Variants in STEAP1B observed in about 807,000 individuals in gnomAD.
STEAP1B encodes the protein STEAP family protein MGC87042.
In STEAP1B, 13 loss-of-function variants were observed where a neutral mutation model predicts 27.9. The ratio of observed to expected loss-of-function variants is 0.47; its 90% CI spans 0.30 to 0.74. The LOEUF (loss-of-function observed/expected upper bound fraction) is 0.74, where lower values mean the gene tolerates loss of function less well. Among genes scored for constraint, STEAP1B ranks in the 30% least tolerant of loss-of-function variants. STEAP1B has a pLI of 0.06. For missense variants in STEAP1B, 250 were observed against 298.7 expected (o/e 0.84, Z 1.20); for synonymous variants, 86 against 107.1 (o/e 0.80, Z 1.22).
intron 4 of STEAP1B, among the ~76,000 whole-genome samples, chr7:22,423,932 G>A (rs1785075038): frequency 6.6e-6 from 1 of 152,144 alleles, no homozygotes. Flanking sequence ...AGGAGACTGA[G>A]GTGGGAAGAT....
intron 4 of STEAP1B, among the ~76,000 whole-genome samples, chr7:22,489,507 T>C (rs1583354267): frequency 6.6e-6 from 1 of 152,172 alleles, no homozygotes; most frequent in African/African-American, 2.4e-5. Context: ...TTGCAGATGA[T>C]CAAGTTCACC....
At chr7:22,450,781 C>T (rs1055653419) in intron 4 of STEAP1B, among the ~76,000 whole-genome samples, 3 of 152,108 alleles carry the variant, frequency 2.0e-5, no homozygotes, top group Non-Finnish European at 4.4e-5. Context: ...TATCCATGAA[C>T]ATTGAATATT....
intron 4 of STEAP1B, among the ~76,000 whole-genome samples, chr7:22,460,867 T>C (rs963641653): frequency 6.6e-6 from 1 of 152,234 alleles, no homozygotes; most frequent in Non-Finnish European, 1.5e-5. Context: ...TGCATGTGTA[T>C]ACATGTATAT....
intron 4 of STEAP1B, among the ~76,000 whole-genome samples, chr7:22,478,740 C>A (rs1314450880): frequency 6.6e-6 from 1 of 152,210 alleles, no homozygotes; most frequent in Non-Finnish European, 1.5e-5. Context: ...ACTGTCTAGT[C>A]CAGTAGCAGT....
At chr7:22,482,482 T>C (rs1786096954) in intron 4 of STEAP1B, among the ~76,000 whole-genome samples, 1 of 152,152 alleles carries the variant, frequency 6.6e-6, no homozygotes, top group Admixed American at 6.5e-5. Context: ...GGAAGAAGGA[T>C]AGGCAGAGAG....
At chr7:22,492,319 C>CAAAAAA (rs56679156) in intron 4 of STEAP1B, 15 of 54,808 alleles carry the variant, frequency 2.7e-4, no homozygotes, top group East Asian at 8.2e-4. Context: ...ACTTCATCTC[C>CAAAAAA]AAAAAAAAAA....
At chr7:22,435,137 T>G (rs897261031) in intron 4 of STEAP1B, among the ~76,000 whole-genome samples, 3 of 151,892 alleles carry the variant, frequency 2.0e-5, no homozygotes, top group Non-Finnish European at 4.4e-5. Flanking sequence ...CCGAAACAAG[T>G]GAAGGTTAAT....
At chr7:22,467,564 T>G (rs115336610) in intron 4 of STEAP1B, among the ~76,000 whole-genome samples, 2,196 of 152,306 alleles carry the variant, frequency 0.014, 55 homozygotes, top group African/African-American at 0.049. Flanking sequence ...GGGAGATAAT[T>G]GAATTTTGGG....
intron 4 of STEAP1B, among the ~76,000 whole-genome samples, chr7:22,481,970 C>T (rs776729081): frequency 6.6e-6 from 1 of 152,128 alleles, no homozygotes; most frequent in African/African-American, 2.4e-5. Flanking sequence ...TAAGTAAAAC[C>T]CACGAAAGCC....
At chr7:22,487,843 C>A (rs114739331) in intron 4 of STEAP1B, among the ~76,000 whole-genome samples, 2,838 of 149,370 alleles carry the variant, frequency 0.019, 84 homozygotes, top group African/African-American at 0.066. Flanking sequence ...AAAAAAAAAT[C>A]CACACATAGA....
At chr7:22,438,726 C>T in intron 4 of STEAP1B, 1 of 1,551,474 alleles carries the variant, frequency 6.4e-7, no homozygotes, top group Non-Finnish European at 8.7e-7. Context: ...GAAAGTTGCA[C>T]AAAGCTACCA....
At chr7:22,444,632 A>G (rs921897835) in intron 4 of STEAP1B, among the ~76,000 whole-genome samples, 3 of 152,240 alleles carry the variant, frequency 2.0e-5, no homozygotes, top group Non-Finnish European at 4.4e-5. Flanking sequence ...GGCCTCAGAC[A>G]GAACAATAGC....
intron 4 of STEAP1B, among the ~76,000 whole-genome samples, chr7:22,488,832 T>C (rs1786266740): frequency 6.6e-6 from 1 of 152,212 alleles, no homozygotes; most frequent in Non-Finnish European, 1.5e-5. Context: ...TTCTAGCCTT[T>C]GAGCCAGTGC....
chr7:22,494,764 T>C lies in STEAP1B; in HGVS notation c.84+8A>G, dbSNP rs756245002. On this transcript the variant is annotated splice_region_variant and intron_variant, in intron 2 of 4. Transcript: ENST00000678116. ...TATTATTTATTATTGTCATTATTAA[T>C]ATTTTACCAAATAATCGTTGTCTTC... 1.4e-6 allele frequency: 2 copies of C among 1,462,408 alleles called. No homozygotes were observed. The highest frequency in any genetic ancestry group is 2.0e-5 in the Admixed American group (1 of 50,460). 90.6% of individuals were successfully genotyped at this position (1,462,408 alleles called of 1,614,324 possible).
chr7:22,464,492 C>G (rs1405818223), intron 4 of STEAP1B, among the ~76,000 whole-genome samples: 1 of 152,168 alleles, frequency 6.6e-6, no homozygotes, highest in East Asian at 1.9e-4. Flanking sequence ...TGACTTGTGC[C>G]TGCCCCCGTC....
chr7:22,467,560 T>C (rs960156143), intron 4 of STEAP1B, among the ~76,000 whole-genome samples: 11 of 152,210 alleles, frequency 7.2e-5, no homozygotes, highest in Admixed American at 2.0e-4. Flanking sequence ...CAGTGGGAGA[T>C]AATTGAATTT....
rs78525254 is a variant in STEAP1B at position 22,477,386 on chromosome 7, T to G, written c.762+15179A>C. ...TCCCCCTCCAGATGGTCTTGAATGA[T>G]GTAGTTCAATCTCTTGGTGACATCC... On this transcript the variant is annotated intron_variant, in intron 4 of 4. Transcript: ENST00000678116. 4.2e-3 allele frequency among the ~76,000 whole-genome samples: 643 copies of G among 152,238 alleles called. 1 individual carries two copies. Among genetic ancestry groups the G allele is most frequent in the African/African-American group, 0.015 (619 of 41,546 alleles).
chr7:22,450,631 C>T (rs1785472720), intron 4 of STEAP1B, among the ~76,000 whole-genome samples: 1 of 150,412 alleles, frequency 6.6e-6, no homozygotes, highest in East Asian at 1.9e-4. Flanking sequence ...TGGCTTTGGC[C>T]ATGGGTCTTT....
intron 4 of STEAP1B, chr7:22,438,309 T>G: frequency 2.8e-6 from 2 of 706,076 alleles, no homozygotes; most frequent in East Asian, 5.8e-5. Flanking sequence ...CCTATGCAGT[T>G]TTTCGCACTT....
Sources: allele counts gnomAD v4.1 joint callset (sites outside exome capture counted in the v4.1 genomes callset), GRCh38; gene constraint gnomAD v4.1.1; transcripts MANE v1.5; gene names NCBI Gene and HGNC (gene_info 2026-07-23, HGNC 2026-07-21).